ABCB5: variants seen among roughly 807,000 people sequenced by gnomAD.
ABCB5 encodes ATP binding cassette subfamily B member 5.
In ABCB5, 155 loss-of-function variants were observed where a neutral mutation model predicts 144.2. The ratio of observed to expected loss-of-function variants is 1.08; its 90% CI spans 0.94 to 1.23. The LOEUF (loss-of-function observed/expected upper bound fraction) is 1.23, where lower values mean the gene tolerates loss of function less well. Among genes scored for constraint, ABCB5 ranks in the 50% most tolerant of loss-of-function variants. The probability of loss-of-function intolerance (pLI) is 0.00; values close to 1 mark genes in which losing one functional copy is unlikely to be tolerated. For missense variants in ABCB5, 1,830 were observed against 1,520.8 expected (o/e 1.20, Z -3.38); for synonymous variants, 610 against 528.6 (o/e 1.15, Z -2.11).
At chr7:20,627,973 G>A (rs1469358211) in intron 3 of ABCB5, among the ~76,000 whole-genome samples, 3 of 151,932 alleles carry the variant, frequency 2.0e-5, no homozygotes, top group African/African-American at 7.3e-5. Flanking sequence ...ACTTGTGTCA[G>A]GTATCTACAA....
chr7:20,740,124 C>T (rs1039007325), intron 24 of ABCB5, among the ~76,000 whole-genome samples: 1 of 152,090 alleles, frequency 6.6e-6, no homozygotes. Context: ...CCTGTAGTCC[C>T]AGCTACTCGG....
At chr7:20,664,602 A>T (rs1255104234) in intron 14 of ABCB5, among the ~76,000 whole-genome samples, 5 of 152,352 alleles carry the variant, frequency 3.3e-5, no homozygotes, top group Admixed American at 3.3e-4. Context: ...GTGCTATCAA[A>T]TAAGTGATCT....
intron 14 of ABCB5, among the ~76,000 whole-genome samples, chr7:20,660,556 C>A (rs1784970345): frequency 6.6e-6 from 1 of 152,100 alleles, no homozygotes; most frequent in Non-Finnish European, 1.5e-5. Flanking sequence ...GTGATGGAAG[C>A]TGTAGCACCA....
At chr7:20,693,290 C>T (rs1428082488) in intron 16 of ABCB5, among the ~76,000 whole-genome samples, 1 of 151,850 alleles carries the variant, frequency 6.6e-6, no homozygotes, top group Non-Finnish European at 1.5e-5. Flanking sequence ...TACTTGAACC[C>T]AAGACTTTGA....
intron 5 of ABCB5, 69 bp downstream of exon 5, chr7:20,632,182 A>G: frequency 8.8e-7 from 1 of 1,139,032 alleles, no homozygotes; most frequent in Non-Finnish European, 1.2e-6. Context: ...ACAAGAAAAA[A>G]GCAACTGAAA....
At chr7:20,643,136 G>C in intron 5 of ABCB5, 48 bp from the exon 6 acceptor site, 2 of 1,478,684 alleles carry the variant, frequency 1.4e-6, no homozygotes, top group Non-Finnish European at 1.9e-6. Flanking sequence ...TGTGTAACAA[G>C]ATAAAAATGT....
At chr7:20,744,355 T>G (rs1184237754) in intron 25 of ABCB5, among the ~76,000 whole-genome samples, 1 of 152,086 alleles carries the variant, frequency 6.6e-6, no homozygotes, top group East Asian at 1.9e-4. Flanking sequence ...TAAACACACC[T>G]ATGAACCTTT....
At chr7:20,751,134 T>C (rs1024127187) in intron 26 of ABCB5, among the ~76,000 whole-genome samples, 1 of 152,188 alleles carries the variant, frequency 6.6e-6, no homozygotes, top group African/African-American at 2.4e-5. Flanking sequence ...CCGGTTCATA[T>C]TAAGGAGCCA....
chr7:20,704,230 C>G (rs555473734), intron 19 of ABCB5, among the ~76,000 whole-genome samples: 1 of 152,008 alleles, frequency 6.6e-6, no homozygotes, highest in South Asian at 2.1e-4. Flanking sequence ...GTGCACACCA[C>G]CATGCCCAGC....
Position 20,721,472 on chromosome 7 carries a change from T to C in ABCB5, c.2422-1544T>C, listed in dbSNP as rs189638721. Among the ~76,000 whole-genome samples, 59 of 152,366 alleles carry C rather than the reference T, an allele frequency of 3.9e-4. 2 individuals are homozygous for C. In the Middle Eastern group the frequency reaches 0.01, roughly 26 times the overall value. On this transcript the variant is annotated intron_variant, in intron 20 of 27. Coordinates refer to ENST00000404938, the MANE Select transcript of ABCB5 (RefSeq NM_001163941.2). ...CTTTATATATTAGCTCCAACTATAATATGAGAATTATGGTTACTATTTATT... is the reference window on the plus strand; with the variant it reads ...CTTTATATATTAGCTCCAACTATAACATGAGAATTATGGTTACTATTTATT...
intron 5 of ABCB5, among the ~76,000 whole-genome samples, chr7:20,632,769 A>G (rs1049909308): frequency 1.4e-4 from 21 of 151,620 alleles, no homozygotes; most frequent in African/African-American, 4.8e-4. Flanking sequence ...GAGCAAAAAA[A>G]CAAACACCGC....
At chr7:20,634,938 T>G (rs950771766) in intron 5 of ABCB5, among the ~76,000 whole-genome samples, 1 of 152,194 alleles carries the variant, frequency 6.6e-6, no homozygotes, top group South Asian at 2.1e-4. Flanking sequence ...TCGGTTTTGT[T>G]GCATTTGTTT....
At chr7:20,693,416 T>C (rs1205839390) in intron 16 of ABCB5, among the ~76,000 whole-genome samples, 2 of 151,986 alleles carry the variant, frequency 1.3e-5, no homozygotes, top group Non-Finnish European at 2.9e-5. Context: ...CTGACCAATA[T>C]GGAATAAAGT....
chr7:20,659,271 G>A (rs1009378097), intron 14 of ABCB5: 160 of 1,473,736 alleles, frequency 1.1e-4, no homozygotes, highest in African/African-American at 8.3e-4. Context: ...TGGCAGTGGC[G>A]GTATGAAAAA....
At chr7:20,692,845 G>A (rs1339592160) in intron 16 of ABCB5, among the ~76,000 whole-genome samples, 1 of 152,028 alleles carries the variant, frequency 6.6e-6, no homozygotes, top group African/African-American at 2.4e-5. Context: ...AACATTACTA[G>A]GGATAAAGAA....
chr7:20,749,232 CT>C (rs1426710055), intron 26 of ABCB5, among the ~76,000 whole-genome samples: 1 of 102,784 alleles, frequency 9.7e-6, no homozygotes, highest in East Asian at 3.5e-4. Flanking sequence ...CTCTCTCTTT[CT>C]TTCTTTTCTT....
At chr7:20,650,885 CTA>C (rs1562538944) in intron 12 of ABCB5, among the ~76,000 whole-genome samples, 1 of 152,130 alleles carries the variant, frequency 6.6e-6, no homozygotes, top group Non-Finnish European at 1.5e-5. Context: ...AATAGAGACT[CTA>C]TGAGTTAGAA....
chr7:20,620,628 T>G (rs1783788411), intron 1 of ABCB5, among the ~76,000 whole-genome samples: 2 of 152,052 alleles, frequency 1.3e-5, no homozygotes, highest in Non-Finnish European at 2.9e-5. Flanking sequence ...AAATGAGCAG[T>G]AAGCATATGA....
intron 23 of ABCB5, among the ~76,000 whole-genome samples, chr7:20,738,672 G>A (rs1782464313): frequency 6.6e-6 from 1 of 152,168 alleles, no homozygotes; most frequent in Admixed American, 6.5e-5. Flanking sequence ...CTCCAAGCAA[G>A]CAAGCCTCAT....
Sources: gnomAD v4.1 joint callset for allele counts (sites outside exome capture counted in the v4.1 genomes callset) on GRCh38, gnomAD v4.1.1 for gene constraint, MANE v1.5 for transcripts, NCBI Gene and HGNC (gene_info 2026-07-23, HGNC 2026-07-21) for gene names.